The following KIAA1586 variants were observed in gnomAD, a reference collection of about 807,000 sequenced individuals.
KIAA1586 encodes E3 SUMO-protein ligase KIAA1586.
KIAA1586 carries 5 observed loss-of-function variants against 6.1 expected under a neutral mutation model. The ratio of observed to expected loss-of-function variants is 0.82; its 90% CI spans 0.43 to 1.73. KIAA1586 has a LOEUF of 1.73. Ranked by LOEUF, KIAA1586 falls within the 40% of genes most tolerant of loss-of-function variation. The pLI is 0.02. For synonymous variants in KIAA1586, 280 were observed against 301.7 expected, an observed-to-expected ratio of 0.93 and a Z score of 0.75; for missense variants, 899 against 878.2, an observed-to-expected ratio of 1.02 and a Z score of -0.30.
rs1223957506 is a variant in KIAA1586 at position 57,054,757 on chromosome 6, A to G, written c.2258A>G (p.Lys753Arg). The change falls in exon 4 of 4, where the codon AAA becomes AGA. Residue 753 changes from lysine to arginine, a missense_variant. By Grantham distance (26) the Lys-to-Arg change is conservative (BLOSUM62 2). Transcript: ENST00000370733. ...LADWDATPFVKSWSNCNHRLA... is the reference protein window; with the variant it reads ...LADWDATPFVRSWSNCNHRLA... The stretch of plus-strand genomic sequence containing the variant: ...GATTGGGATGCAACACCGTTTGTAA[A>G]ATCTTGGTCAAATTGCAACCACAGG... 3 of 1,551,240 alleles carry G rather than the reference A, an allele frequency of 1.9e-6. No homozygotes were observed. Among genetic ancestry groups the G allele is most frequent in the African/African-American group, 2.7e-5 (2 of 73,024 alleles).
rs535124472 is a variant in KIAA1586, at chr6:57,051,983, A to T, written c.187-703A>T. On this transcript the variant is annotated intron_variant, in intron 3 of 3. Transcript: ENST00000370733. ...AGCGAGACTCCGTCTCAAAAAAAAA[A>T]TTTTTTTTTAAACTCTTCATTAGTT... 7.9e-5 allele frequency among the ~76,000 whole-genome samples: 12 copies of T among 152,054 alleles called. No individual in the cohort carries two copies. In the South Asian group the frequency reaches 1.9e-3, roughly 24 times the overall value.
At chr6:57,058,868 G>A (rs1212272534), downstream of KIAA1586, among the ~76,000 whole-genome samples, 1 of 152,206 alleles carries the variant, frequency 6.6e-6, no homozygotes, top group East Asian at 1.9e-4. Context: ...TCCGAAGTCA[G>A]TGTTAACAGT....
chr6:57,062,776 C>G, the KIAA1586 span, among the ~76,000 whole-genome samples: 66 of 152,240 alleles, frequency 4.3e-4, no homozygotes, highest in African/African-American at 1.5e-3. Context: ...TGTGGCCGAG[C>G]ATGGTGGCTC....
chr6:57,058,662 A>G (rs1828528810), downstream of KIAA1586, among the ~76,000 whole-genome samples: 1 of 152,228 alleles, frequency 6.6e-6, no homozygotes, highest in African/African-American at 2.4e-5. Flanking sequence ...GACAAGTACT[A>G]GAGTTTATAT....
the KIAA1586 span, among the ~76,000 whole-genome samples, chr6:57,065,929 G>A: frequency 4.0e-5 from 6 of 151,836 alleles, no homozygotes; most frequent in African/African-American, 1.5e-4. Flanking sequence ...TCTTTTTTCA[G>A]TGTCTGGGAA....
At chr6:57,062,209 G>T in the KIAA1586 span, among the ~76,000 whole-genome samples, 3 of 152,132 alleles carry the variant, frequency 2.0e-5, no homozygotes, top group Admixed American at 1.3e-4. Flanking sequence ...AGGATAACAG[G>T]CATGAGCCAG....
At chr6:57,063,450 CTTTTTTT>C in the KIAA1586 span, among the ~76,000 whole-genome samples, 6 of 102,552 alleles carry the variant, frequency 5.9e-5, no homozygotes, top group South Asian at 3.2e-4. Context: ...TATGTTATTT[CTTTTTTT>C]TTTTTTTTTT....
At position 57,053,779 on chromosome 6, in the gene KIAA1586, T is replaced by A; in HGVS notation, c.1280T>A (p.Leu427His). 6.4e-7 allele frequency: 1 copy of A among 1,572,812 alleles called. No homozygotes were observed. ...TTAAATCATCGATTACAATTGTCAC[T>A]TGATGATTCTATATCCGAAATAAAA... is the stretch of plus-strand genomic sequence containing the variant. Reference protein sequence around the residue: ...NCLNHRLQLSLDDSISEIKQI... With the variant: ...NCLNHRLQLSHDDSISEIKQI... Residue 427 changes from leucine (L) to histidine (H), a missense_variant, in exon 4 of 4, where the codon CTT becomes CAT. Physicochemically the swap from Leu to His is moderately conservative, Grantham distance 99. Coordinates refer to ENST00000370733, the MANE Select transcript of KIAA1586 (RefSeq NM_020931.4).
intron 2 of KIAA1586, among the ~76,000 whole-genome samples, chr6:57,049,818 C>T (rs1286782829): frequency 2.0e-5 from 3 of 152,012 alleles, no homozygotes; most frequent in Non-Finnish European, 4.4e-5. Context: ...AGGATTTTGA[C>T]TAGGGCATTT....
At chr6:57,059,740 C>G (rs2127915361), downstream of KIAA1586, among the ~76,000 whole-genome samples, 1 of 152,308 alleles carries the variant, frequency 6.6e-6, no homozygotes, top group African/African-American at 2.4e-5. Flanking sequence ...TCTTTTTCAT[C>G]AGTTTCACAT....
At chr6:57,055,532 G>T (rs551990912), downstream of KIAA1586, among the ~76,000 whole-genome samples, 1 of 151,828 alleles carries the variant, frequency 6.6e-6, no homozygotes, top group Non-Finnish European at 1.5e-5. Flanking sequence ...GTCAGCAGAT[G>T]GATTCAATGC....
intron 2 of KIAA1586, among the ~76,000 whole-genome samples, chr6:57,050,169 T>G (rs1185953950): frequency 6.6e-6 from 1 of 151,976 alleles, no homozygotes; most frequent in African/African-American, 2.4e-5. Flanking sequence ...ATCTGTGCTA[T>G]TTCCCATTTT....
At chr6:57,051,664 T>C (rs1202632360) in intron 3 of KIAA1586, among the ~76,000 whole-genome samples, 1 of 152,110 alleles carries the variant, frequency 6.6e-6, no homozygotes, top group Non-Finnish European at 1.5e-5. Flanking sequence ...CCAGGCATGG[T>C]GGCTCACACC....
the KIAA1586 span, among the ~76,000 whole-genome samples, chr6:57,061,868 GA>G: frequency 1.3e-5 from 2 of 150,908 alleles, no homozygotes; most frequent in African/African-American, 4.9e-5. Flanking sequence ...ACATAGAGGT[GA>G]AAAAGACATG....
At chr6:57,061,317 T>C in the KIAA1586 span, among the ~76,000 whole-genome samples, 1 of 152,180 alleles carries the variant, frequency 6.6e-6, no homozygotes, top group Admixed American at 6.5e-5. Context: ...GGAGAGTTGA[T>C]TGATATCTCT....
At chr6:57,064,905 T>C in the KIAA1586 span, among the ~76,000 whole-genome samples, 1 of 152,204 alleles carries the variant, frequency 6.6e-6, no homozygotes, top group Admixed American at 6.5e-5. Flanking sequence ...AGTATGTTTT[T>C]GCTGGACCTT....
the KIAA1586 span, among the ~76,000 whole-genome samples, chr6:57,060,818 T>A: frequency 1.3e-5 from 2 of 152,154 alleles, no homozygotes; most frequent in African/African-American, 4.8e-5. Flanking sequence ...TTTATTTATT[T>A]ATTTATTTTT....
chr6:57,066,317 TTGTTTTCTGATTGTTTCC>T, the KIAA1586 span, among the ~76,000 whole-genome samples: 2 of 152,158 alleles, frequency 1.3e-5, no homozygotes, highest in African/African-American at 2.4e-5. Flanking sequence ...GAGCTGTTTC[TTGTTTTCTGATTGTTTCC>T]TTTTTCATTT....
At position 57,054,678 on chromosome 6, in the gene KIAA1586, A is replaced by G. The variant is rs1032640616; in HGVS notation, c.2179A>G (p.Ile727Val). ...TACAAGGGTGAGAAATAGTTTAACA[A>G]TAGATCATGTATCAGATTTAATGAC... ...ICTRVRNSLT[I>V]DHVSDLMTIN... The change falls in exon 4 of 4, where the codon ATA becomes GTA. Residue 727 changes from isoleucine (I) to valine (V), a missense_variant. Ile to Val is a conservative substitution (Grantham distance 29, BLOSUM62 3). Transcript: ENST00000370733. 2.6e-6 allele frequency: 4 copies of G among 1,555,670 alleles called. No individual in the cohort carries two copies. Among genetic ancestry groups the G allele is most frequent in the African/African-American group, 2.7e-5 (2 of 73,274 alleles).
Sources: allele counts gnomAD v4.1 joint callset (sites outside exome capture counted in the v4.1 genomes callset), GRCh38; gene constraint gnomAD v4.1.1; transcripts MANE v1.5; gene names NCBI Gene and HGNC (gene_info 2026-07-23, HGNC 2026-07-21).